The following MVB12B variants were observed in gnomAD, a reference collection of about 807,000 sequenced individuals.
MVB12B encodes the protein ESCRT-I complex subunit MVB12B.
Under a neutral mutation model 41.6 loss-of-function variants are expected in MVB12B, and 16 were observed. The ratio of observed to expected loss-of-function variants is 0.38; its 90% confidence interval spans 0.26 to 0.58. MVB12B has a LOEUF of 0.58. Among genes scored for constraint, MVB12B ranks in the 20% least tolerant of loss-of-function variants. MVB12B has a pLI of 0.62. For missense variants in MVB12B, 274 were observed against 380.2 expected, an observed-to-expected ratio of 0.72 and a Z score of 2.32; for synonymous variants, 133 against 139.7, an observed-to-expected ratio of 0.95 and a Z score of 0.34.
Position 126,436,920 on chromosome 9 carries a change from C to G in MVB12B, c.757+14972C>G, listed in dbSNP as rs896297927. 6.6e-6 allele frequency among the ~76,000 whole-genome samples: 1 copy of G among 152,150 alleles called. No homozygotes were observed. The highest frequency in any genetic ancestry group is 1.5e-5 in the Non-Finnish European group (1 of 68,038). ...TTAAAAGAATTTATTTTAGGTGGACCAATTAAAACTTTGGAAGCTAATTTT... is the reference window on the plus strand; with the variant it reads ...TTAAAAGAATTTATTTTAGGTGGACGAATTAAAACTTTGGAAGCTAATTTT... On this transcript the variant is annotated intron_variant, in intron 7 of 9. Coordinates refer to ENST00000361171, the MANE Select transcript of MVB12B (RefSeq NM_033446.3). The surrounding 1 kb of genome is among the most constrained non-coding windows in gnomAD (Gnocchi z 4.1).
rs73597489 is a variant in MVB12B, at chr9:126,459,807, C to T, written c.758-21562C>T. On this transcript the variant is annotated intron_variant, in intron 7 of 9. Coordinates refer to ENST00000361171, the MANE Select transcript of MVB12B (RefSeq NM_033446.3). This position sits in a 1 kb window ranked among gnomAD's most constrained non-coding sequence, Gnocchi z 4.3. ...TGGACCTGCCACTCTCCCACAGGGG[C>T]CGCTTGTCTCACAGTCAGAATCGCC... 0.017 allele frequency among the ~76,000 whole-genome samples: 2,602 copies of T among 152,292 alleles called. 51 individuals are homozygous for T. The highest frequency in any genetic ancestry group is 0.052 in the African/African-American group (2,153 of 41,558).
At chr9:126,500,099 C>T (rs1833923122) in intron 9 of MVB12B, among the ~76,000 whole-genome samples, 1 of 152,200 alleles carries the variant, frequency 6.6e-6, no homozygotes, top group Non-Finnish European at 1.5e-5. Context: ...TGGCTGTGGA[C>T]ACTCGGGCTG....
At chr9:126,453,942 G>C (rs1202061623) in intron 7 of MVB12B, among the ~76,000 whole-genome samples, 1 of 152,170 alleles carries the variant, frequency 6.6e-6, no homozygotes, top group Non-Finnish European at 1.5e-5. Context: ...AAGACAATGA[G>C]AGAGGCAAGA....
At chr9:126,418,165 G>A (rs1009567469) in intron 6 of MVB12B, among the ~76,000 whole-genome samples, 1 of 151,930 alleles carries the variant, frequency 6.6e-6, no homozygotes, top group Non-Finnish European at 1.5e-5. Flanking sequence ...GGGAGTTGGC[G>A]GGGTGGGGGG....
chr9:126,346,263 T>C (rs562437788), intron 2 of MVB12B, among the ~76,000 whole-genome samples: 1 of 152,254 alleles, frequency 6.6e-6, no homozygotes, highest in South Asian at 2.1e-4. Flanking sequence ...TGCGCCAGGC[T>C]ATTGACAATG....
rs1293997477 is a variant in MVB12B at position 126,376,363 on chromosome 9, C to T, written c.205-4701C>T. 1.4e-5 allele frequency: 7 copies of T among 496,912 alleles called. No individual in the cohort carries two copies. The highest frequency in any genetic ancestry group is 9.6e-5 in the South Asian group (6 of 62,316). 30.8% of individuals were successfully genotyped at this position (496,912 alleles called of 1,614,324 possible). A position where few individuals can be genotyped will look rare whatever the true frequency, so the allele number is the denominator to read the frequency against. On this transcript the variant is annotated intron_variant, in intron 2 of 9. Transcript: ENST00000361171. This position sits in a 1 kb window ranked among gnomAD's most constrained non-coding sequence, Gnocchi z 4.1. ...ATTCTCTTTGCTACCTTCAAGCTCC[C>T]TTTTTTCTATTTTGGGCCCTTCTGT... is the stretch of plus-strand genomic sequence containing the variant.
intron 1 of MVB12B, among the ~76,000 whole-genome samples, chr9:126,335,607 G>A (rs1215405864): frequency 6.6e-6 from 1 of 152,172 alleles, no homozygotes; most frequent in Admixed American, 6.5e-5. Context: ...ACAGACCATC[G>A]CTGCCAATGG....
intron 7 of MVB12B, among the ~76,000 whole-genome samples, chr9:126,460,809 G>A (rs1475100547): frequency 6.6e-6 from 1 of 152,104 alleles, no homozygotes; most frequent in African/African-American, 2.4e-5. Flanking sequence ...TCCTGGGGAG[G>A]TGTCTTAACT....
At position 126,391,842 on chromosome 9, in the gene MVB12B, T is replaced by G. The variant is rs560296054; in HGVS notation, c.410-224T>G. Among the ~76,000 whole-genome samples the G allele has an allele frequency of 3.9e-5, 6 of 152,278 alleles. No homozygotes were observed. Among genetic ancestry groups the G allele is most frequent in the Non-Finnish European group, 8.8e-5 (6 of 68,022 alleles). On this transcript the variant is annotated intron_variant, in intron 4 of 9. Coordinates refer to ENST00000361171, the MANE Select transcript of MVB12B (RefSeq NM_033446.3). This position sits in a 1 kb window ranked among gnomAD's most constrained non-coding sequence, Gnocchi z 4.4. ...CCCAGATTTACTGCAGGGTGTGTGG[T>G]CCCCTTCTCAGCAGGGGGTGTCTGG...
chr9:126,362,361 A>G (rs997358901), intron 2 of MVB12B, among the ~76,000 whole-genome samples: 8 of 152,206 alleles, frequency 5.3e-5, no homozygotes, highest in Non-Finnish European at 1.2e-4. Context: ...TTAAGAATTG[A>G]GTCTTTGTAA....
At position 126,376,326 on chromosome 9, in the gene MVB12B, C is replaced by T; in HGVS notation, c.205-4738C>T. ...CTGGGTTCTCTGTCCTGAGCCGGCA[C>T]TGTTTCCCCCTATTCTCTTTGCTAC... On this transcript the variant is annotated intron_variant, in intron 2 of 9. Transcript: ENST00000361171. The surrounding 1 kb of genome is among the most constrained non-coding windows in gnomAD (Gnocchi z 4.1). 2.6e-6 allele frequency: 1 copy of T among 379,652 alleles called. No individual in the cohort carries two copies. Among genetic ancestry groups the T allele is most frequent in the South Asian group, 2.0e-5 (1 of 51,092 alleles). 23.5% of individuals were successfully genotyped at this position (379,652 alleles called of 1,614,324 possible). A position where few individuals can be genotyped will look rare whatever the true frequency, so the allele number is the denominator to read the frequency against.
chr9:126,393,290 G>C (rs1460862793), intron 5 of MVB12B, among the ~76,000 whole-genome samples: 1 of 152,218 alleles, frequency 6.6e-6, no homozygotes, highest in Non-Finnish European at 1.5e-5. Context: ...GGCCGGCACT[G>C]GGTTCTGGTT....
intron 7 of MVB12B, among the ~76,000 whole-genome samples, chr9:126,470,310 G>A (rs1833285177): frequency 6.6e-6 from 1 of 152,162 alleles, no homozygotes; most frequent in African/African-American, 2.4e-5. Flanking sequence ...CTCTGGTGTT[G>A]CAAGTCAAGC....
rs1413854841 is a variant in MVB12B, at chr9:126,506,252, G to A, written c.*2989G>A. The A allele has an allele frequency of 1.3e-5, 2 of 152,618 alleles. No individual in the cohort carries two copies. The highest frequency in any genetic ancestry group is 3.9e-4 in the East Asian group (2 of 5,166). 9.5% of individuals were successfully genotyped at this position (152,618 alleles called of 1,614,324 possible). A position where few individuals can be genotyped will look rare whatever the true frequency, so the allele number is the denominator to read the frequency against. On this transcript the variant is annotated 3_prime_UTR_variant, in exon 10 of 10. Coordinates refer to ENST00000361171, the MANE Select transcript of MVB12B (RefSeq NM_033446.3). ...GTTCTAAGCACCTGTTCCTGGCCAGGCTCTAGGCCAGGCTCTCTAAGCACA... is the reference window on the plus strand; with the variant it reads ...GTTCTAAGCACCTGTTCCTGGCCAGACTCTAGGCCAGGCTCTCTAAGCACA...
At chr9:126,360,208 GT>G (rs1829991764) in intron 2 of MVB12B, among the ~76,000 whole-genome samples, 1 of 151,898 alleles carries the variant, frequency 6.6e-6, no homozygotes, top group Non-Finnish European at 1.5e-5. Flanking sequence ...GTGGTTTTTT[GT>G]TTCCATGTAT....
In MVB12B at chr9:126,389,768, C is replaced by T. The variant is rs1001676211; in HGVS notation, c.410-2298C>T. 2.0e-5 allele frequency among the ~76,000 whole-genome samples: 3 copies of T among 152,058 alleles called. No homozygotes were observed. Among genetic ancestry groups the T allele is most frequent in the African/African-American group, 7.2e-5 (3 of 41,402 alleles). On this transcript the variant is annotated intron_variant, in intron 4 of 9. Coordinates refer to ENST00000361171, the MANE Select transcript of MVB12B (RefSeq NM_033446.3). The surrounding 1 kb of genome is among the most constrained non-coding windows in gnomAD (Gnocchi z 4.4). ...CCAGGTTGCTGTCCCAAGTGTGGAC[C>T]CTGAGGTTGGGTCTTGTCACACAGG...
chr9:126,403,031 A>T (rs1047721229), intron 6 of MVB12B, among the ~76,000 whole-genome samples: 70 of 152,280 alleles, frequency 4.6e-4, no homozygotes, highest in Non-Finnish European at 3.2e-4. Flanking sequence ...TCAAAGATGG[A>T]TCTGGGGTGG....
At chr9:126,495,256 A>T (rs1333934403) in intron 9 of MVB12B, among the ~76,000 whole-genome samples, 1 of 151,258 alleles carries the variant, frequency 6.6e-6, no homozygotes, top group Non-Finnish European at 1.5e-5. Context: ...TTCAGTGGCC[A>T]GGGCATCTGA....
intron 9 of MVB12B, among the ~76,000 whole-genome samples, chr9:126,502,836 ACAGT>A (rs1199286914): frequency 1.3e-5 from 2 of 152,310 alleles, no homozygotes; most frequent in East Asian, 1.9e-4. Context: ...GGAGGCCATG[ACAGT>A]CAGCACGGGC....
Sources: allele counts gnomAD v4.1 joint callset (sites outside exome capture counted in the v4.1 genomes callset), GRCh38; gene constraint gnomAD v4.1.1; non-coding constraint Gnocchi (gnomAD v3.1); transcripts MANE v1.5; gene names NCBI Gene and HGNC (gene_info 2026-07-23, HGNC 2026-07-21).